PDGFRB: variants seen among roughly 807,000 people sequenced by gnomAD.
The protein encoded by PDGFRB is platelet-derived growth factor receptor beta.
PDGFRB carries 42 observed loss-of-function variants against 120.2 expected under a neutral mutation model. The ratio of observed to expected loss-of-function variants is 0.35; its 90% CI spans 0.27 to 0.45. PDGFRB has a LOEUF of 0.45. Among genes scored for constraint, PDGFRB ranks in the 20% least tolerant of loss-of-function variants. The pLI, the probability that PDGFRB is intolerant of heterozygous loss-of-function variation, is 1.00. For synonymous variants in PDGFRB, 586 were observed against 606.8 expected (o/e 0.97, Z 0.50); for missense variants, 1,149 against 1,476.3 (o/e 0.78, Z 3.63).
At chr5:150,133,349 T>C (rs1181500112) in intron 6 of PDGFRB, among the ~76,000 whole-genome samples, 1 of 152,136 alleles carries the variant, frequency 6.6e-6, no homozygotes, top group African/African-American at 2.4e-5. Context: ...GGGCTGACAC[T>C]ACATTTTGGT....
chr5:150,147,226 C>G (rs549186472), intron 1 of PDGFRB, among the ~76,000 whole-genome samples: 3 of 152,260 alleles, frequency 2.0e-5, no homozygotes, highest in African/African-American at 4.8e-5. Flanking sequence ...CTGCAGAGTT[C>G]CAGGCCTCCA....
rs554990871 is a variant in PDGFRB, at chr5:150,122,529, A to G, written c.2184-489T>C. On this transcript the variant is annotated intron_variant, in intron 15 of 22. Transcript: ENST00000261799. ...GGGAGACTGAATGTCAAAACATTGG[A>G]GAGGACATGAGTGGGTTTTAAGGTC... Among the ~76,000 whole-genome samples, 22 of 152,376 alleles carry G rather than the reference A, an allele frequency of 1.4e-4. No homozygotes were observed. The South Asian group carries it at 4.6e-3, about 32-fold the overall frequency.
chr5:150,132,832 G>C lies in PDGFRB; in HGVS notation c.1045C>G (p.Leu349Val), dbSNP rs368862822. ...AGGGTGCGGTTGTCTTTGAACCACAGGACAGTGGGCGGTGGGTAGGCCTCG... is the reference window on the plus strand; with the variant it reads ...AGGGTGCGGTTGTCTTTGAACCACACGACAGTGGGCGGTGGGTAGGCCTCG... The part of the protein sequence containing the change: ...VFEAYPPPTV[L>V]WFKDNRTLGD... Residue 349 changes from leucine (L) to valine (V), a missense_variant, in exon 7 of 23, where the codon CTG becomes GTG. Coordinates refer to ENST00000261799, the MANE Select transcript of PDGFRB (RefSeq NM_002609.4). This position sits in a 1 kb window ranked among gnomAD's most constrained non-coding sequence, Gnocchi z 5.0. The C allele has an allele frequency of 2.5e-6, 4 of 1,611,656 alleles. No homozygotes were observed. The highest frequency in any genetic ancestry group is 1.7e-4 in the Middle Eastern group (1 of 5,934).
In PDGFRB at chr5:150,114,138, G is replaced by A. The variant is rs1185860322; in HGVS notation, c.*1625C>T. On this transcript the variant is annotated 3_prime_UTR_variant, in exon 23 of 23. Coordinates refer to ENST00000261799, the MANE Select transcript of PDGFRB (RefSeq NM_002609.4). ...CCCCTTCCCAACCCTCCCCGTGCGGGGGCGTCTTGGCTACAACCCTGACTC... is the reference window on the plus strand; with the variant it reads ...CCCCTTCCCAACCCTCCCCGTGCGGAGGCGTCTTGGCTACAACCCTGACTC... 8.6e-6 allele frequency: 2 copies of A among 233,338 alleles called. No individual in the cohort carries two copies. Among genetic ancestry groups the A allele is most frequent in the Non-Finnish European group, 1.7e-5 (2 of 117,988 alleles). 14.5% of individuals were successfully genotyped at this position (233,338 alleles called of 1,614,324 possible).
intron 12 of PDGFRB, 62 bp from the exon 13 acceptor site, chr5:150,124,893 G>GGGCCCCCC: frequency 8.0e-6 from 6 of 752,502 alleles, no homozygotes; most frequent in Non-Finnish European, 6.4e-6. Context: ...TCCCCCAGCT[G>GGGCCCCCC]CCCCCCTCCC....
At chr5:150,127,576 C>T (rs1432865233) in intron 10 of PDGFRB, among the ~76,000 whole-genome samples, 1 of 152,282 alleles carries the variant, frequency 6.6e-6, no homozygotes, top group East Asian at 1.9e-4. Context: ...TGGCTCATGC[C>T]TGTAATCCCA....
chr5:150,147,559 C>T (rs1335622540), intron 1 of PDGFRB, among the ~76,000 whole-genome samples: 1 of 152,234 alleles, frequency 6.6e-6, no homozygotes, highest in Non-Finnish European at 1.5e-5. Flanking sequence ...GGCCCAGGGC[C>T]TGCAAATAGG....
chr5:150,116,317 CAGA>C (rs760765498), intron 22 of PDGFRB, among the ~76,000 whole-genome samples: 4 of 152,268 alleles, frequency 2.6e-5, no homozygotes, highest in East Asian at 3.9e-4. Flanking sequence ...TTGTATTTTA[CAGA>C]AGAAGACACT....
intron 22 of PDGFRB, among the ~76,000 whole-genome samples, chr5:150,116,642 A>G (rs1049593418): frequency 1.0e-4 from 15 of 145,656 alleles, no homozygotes; most frequent in Admixed American, 8.1e-4. Context: ...AAAAATAATA[A>G]AAAAAAAAAG....
At chr5:150,145,102 G>A (rs115496129) in intron 1 of PDGFRB, among the ~76,000 whole-genome samples, 6,308 of 152,244 alleles carry the variant, frequency 0.041, 184 homozygotes, top group South Asian at 0.071. Flanking sequence ...TGAAAGCAAG[G>A]CCAACCCTTC....
At position 150,132,802 on chromosome 5, in the gene PDGFRB, C is replaced by A. The variant is rs375484098; in HGVS notation, c.1075G>T (p.Asp359Tyr). The A allele has an allele frequency of 8.7e-6, 14 of 1,612,796 alleles. No individual in the cohort carries two copies. The highest frequency in any genetic ancestry group is 1.0e-5 in the Non-Finnish European group (12 of 1,179,568). ...LWFKDNRTLG[D>Y]SSAGEIALST... ...AGGGCGATTTCGCCAGCGCTGGAGT[C>A]GCCCAGGGTGCGGTTGTCTTTGAAC... The change falls in exon 7 of 23, where the codon GAC becomes TAC. Residue 359 changes from aspartate (D) to tyrosine (Y), a missense_variant. Physicochemically the swap from Asp to Tyr is radical, Grantham distance 160 (BLOSUM62 -3). Around this residue, in one of 3 missense-constraint regions of PDGFRB, gnomAD observed 879 missense variants for 1,108.6 expected, o/e 0.79. Coordinates refer to ENST00000261799, the MANE Select transcript of PDGFRB (RefSeq NM_002609.4). The surrounding 1 kb of genome is among the most constrained non-coding windows in gnomAD (Gnocchi z 5.0).
At chr5:150,135,994 C>T in intron 2 of PDGFRB, 116 bp from the exon 3 acceptor site, 2 of 644,676 alleles carry the variant, frequency 3.1e-6, no homozygotes, top group Non-Finnish European at 5.1e-6. Flanking sequence ...GAGCACAGCT[C>T]CTTTATCCGA....
At chr5:150,118,886 C>T (rs1580793936) in intron 20 of PDGFRB, 34 bp from the exon 21 acceptor site, 8 of 1,398,096 alleles carry the variant, frequency 5.7e-6, no homozygotes, top group Non-Finnish European at 7.1e-6. Flanking sequence ...GGCCTCTGGC[C>T]CAGGGTTCAG....
Position 150,133,757 on chromosome 5 carries a change from C to T in PDGFRB, c.763G>A (p.Gly255Arg). ...FEWTYPRKESGRLVEPVTDFL... is the reference protein window; with the variant it reads ...FEWTYPRKESRRLVEPVTDFL... ...TCAGTCACCGGCTCCACCAGCCGCC[C>T]ACTCTGCAGCAACAGGTTGGGCAGG... is the stretch of plus-strand genomic sequence containing the variant. The change falls in exon 6 of 23, where the codon GGG becomes AGG. Residue 255 changes from glycine (G) to arginine (R), a missense_variant. Physicochemically the swap from Gly to Arg is moderately radical, Grantham distance 125. Transcript: ENST00000261799. 1.9e-6 allele frequency: 3 copies of T among 1,614,050 alleles called. No individual in the cohort carries two copies. The highest frequency in any genetic ancestry group is 1.1e-5 in the South Asian group (1 of 91,078).
At chr5:150,147,298 G>A (rs1282965033) in intron 1 of PDGFRB, among the ~76,000 whole-genome samples, 1 of 152,194 alleles carries the variant, frequency 6.6e-6, no homozygotes, top group Non-Finnish European at 1.5e-5. Flanking sequence ...CCGGTGCCAT[G>A]GCAACAGGGA....
At chr5:150,138,417 T>C (rs1760696262) in intron 1 of PDGFRB, among the ~76,000 whole-genome samples, 1 of 152,200 alleles carries the variant, frequency 6.6e-6, no homozygotes, top group African/African-American at 2.4e-5. Flanking sequence ...AAGTGGATGA[T>C]GGTGAGTACC....
intron 6 of PDGFRB, 147 bp downstream of exon 6, chr5:150,133,439 C>T: frequency 1.4e-6 from 1 of 717,500 alleles, no homozygotes; most frequent in Non-Finnish European, 2.5e-6. Context: ...TGACTATACC[C>T]CGGGGCTGTG....
At chr5:150,127,306 C>T (rs1239368388) in intron 10 of PDGFRB, among the ~76,000 whole-genome samples, 2 of 152,132 alleles carry the variant, frequency 1.3e-5, no homozygotes, top group Non-Finnish European at 2.9e-5. Context: ...CATCCAGCCC[C>T]GCCAGACCTG....
At position 150,130,089 on chromosome 5, in the gene PDGFRB, C is replaced by T. The variant is rs568989421; in HGVS notation, c.1368-121G>A. ...GTTCCTATGTCCCACTGCCTGTTTC[C>T]GAGCGGGCTCCTCCTGTGCTCCCTC... On this transcript the variant is annotated intron_variant, in intron 9 of 22. Transcript: ENST00000261799. The T allele has an allele frequency of 6.9e-5, 54 of 784,190 alleles. No individual in the cohort carries two copies. The African/African-American group carries it at 7.9e-4, about 12-fold the overall frequency. 48.6% of individuals were successfully genotyped at this position (784,190 alleles called of 1,614,324 possible). A position where few individuals can be genotyped will look rare whatever the true frequency, so the allele number is the denominator to read the frequency against.
Sources: allele counts gnomAD v4.1 joint callset (sites outside exome capture counted in the v4.1 genomes callset), GRCh38; gene constraint gnomAD v4.1.1; regional missense constraint gnomAD v4.1.1; non-coding constraint Gnocchi (gnomAD v3.1); transcripts MANE v1.5; gene names NCBI Gene and HGNC (gene_info 2026-07-23, HGNC 2026-07-21).